ZNF618: variants seen among roughly 807,000 people sequenced by gnomAD.
ZNF618 encodes the protein zinc finger protein 618, also known as neural precursor cell expressed, developmentally down-regulated 10.
Under a neutral mutation model 103.0 loss-of-function variants are expected in ZNF618, and 34 were observed. The observed-to-expected ratio is 0.33, with a 90% confidence interval of 0.25 to 0.44. The LOEUF (loss-of-function observed/expected upper bound fraction) is 0.44. Ranked by LOEUF, ZNF618 falls within the 20% of genes least tolerant of loss-of-function variation. The pLI, the probability that ZNF618 is intolerant of heterozygous loss-of-function variation, is 1.00. For synonymous variants in ZNF618, 551 were observed against 542.2 expected (o/e 1.02, Z -0.23); for missense variants, 1,059 against 1,295.4 (o/e 0.82, Z 2.80).
chr9:113,990,393 G>A (rs1839926464), intron 3 of ZNF618, among the ~76,000 whole-genome samples: 1 of 152,182 alleles, frequency 6.6e-6, no homozygotes, highest in African/African-American at 2.4e-5. Context: ...ACCAAACAAA[G>A]TATTGGTTTC....
intron 4 of ZNF618, 73 bp downstream of exon 4, chr9:113,998,427 A>G: frequency 7.3e-7 from 1 of 1,367,578 alleles, no homozygotes; most frequent in Non-Finnish European, 1.0e-6. Flanking sequence ...CACAGCCATC[A>G]GTTACAGACC....
At chr9:113,933,068 G>C (rs1464745027) in intron 1 of ZNF618, among the ~76,000 whole-genome samples, 6 of 152,150 alleles carry the variant, frequency 3.9e-5, no homozygotes, top group African/African-American at 1.4e-4. Context: ...GAAGAAAGGA[G>C]AGATCAAGCA....
At chr9:114,036,172 G>C (rs1193092996) in intron 12 of ZNF618, 128 bp from the exon 13 acceptor site, 8 of 773,822 alleles carry the variant, frequency 1.0e-5, no homozygotes, top group Non-Finnish European at 1.7e-5. Flanking sequence ...AGGCAGGCTG[G>C]GCCCGGAGCC....
intron 10 of ZNF618, among the ~76,000 whole-genome samples, chr9:114,019,662 T>A (rs1016328948): frequency 6.6e-6 from 1 of 152,238 alleles, no homozygotes; most frequent in Non-Finnish European, 1.5e-5. Flanking sequence ...TCTCTTTAGG[T>A]CTTCTGCCCA....
intron 1 of ZNF618, among the ~76,000 whole-genome samples, chr9:113,887,523 C>T (rs1829191733): frequency 6.6e-6 from 1 of 152,108 alleles, no homozygotes; most frequent in African/African-American, 2.4e-5. Flanking sequence ...GCATAGAGAC[C>T]CAGGTCACAT....
At chr9:113,901,473 A>T (rs1308587179) in intron 1 of ZNF618, among the ~76,000 whole-genome samples, 1 of 152,088 alleles carries the variant, frequency 6.6e-6, no homozygotes, top group Non-Finnish European at 1.5e-5. Context: ...TTTCTTAATT[A>T]CCCACTGAAT....
At chr9:113,916,791 T>A (rs1832132869) in intron 1 of ZNF618, among the ~76,000 whole-genome samples, 1 of 152,334 alleles carries the variant, frequency 6.6e-6, no homozygotes, top group East Asian at 1.9e-4. Context: ...TGGTGCTCAA[T>A]CAGAAAAACA....
intron 1 of ZNF618, among the ~76,000 whole-genome samples, chr9:113,917,890 G>T (rs1832271716): frequency 1.3e-5 from 2 of 152,070 alleles, no homozygotes; most frequent in South Asian, 2.1e-4. Flanking sequence ...ATTATACTAT[G>T]AAATTAATAT....
intron 1 of ZNF618, among the ~76,000 whole-genome samples, chr9:113,913,879 A>G (rs1380697065): frequency 1.3e-5 from 2 of 152,134 alleles, no homozygotes; most frequent in Admixed American, 6.5e-5. Context: ...CTCAGGCTGT[A>G]TGCTCCACGG....
intron 1 of ZNF618, among the ~76,000 whole-genome samples, chr9:113,877,331 CTG>C (rs1386024300): frequency 2.0e-5 from 3 of 152,102 alleles, no homozygotes; most frequent in Non-Finnish European, 2.9e-5. Context: ...TTAGGGAAAA[CTG>C]AGAGAATTGG....
chr9:114,008,441 G>A, intron 8 of ZNF618, 36 bp from the exon 9 acceptor site: 1 of 1,613,594 alleles, frequency 6.2e-7, no homozygotes, highest in Non-Finnish European at 8.5e-7. Context: ...GAGACCTGGG[G>A]GACCAGGGTG....
intron 3 of ZNF618, among the ~76,000 whole-genome samples, chr9:113,990,675 C>G (rs1218247532): frequency 1.3e-5 from 2 of 152,198 alleles, no homozygotes; most frequent in Non-Finnish European, 2.9e-5. Flanking sequence ...TTAACTGCTG[C>G]AGCCAGAGAG....
chr9:114,048,759 T>C lies in ZNF618; in HGVS notation c.1457T>C (p.Val486Ala), dbSNP rs917756786. Residue 486 changes from valine (V) to alanine (A), a missense_variant, in exon 15 of 15, where the codon GTG becomes GCG. Transcript: ENST00000374126. ...TGTGCCGACCTGGGTGCACTGAGCG[T>C]GGTCAGCGGGAAGGAGTTCCTGAAG... ...VMCADLGALSVVSGKEFLKLA... is the reference protein window; with the variant it reads ...VMCADLGALSAVSGKEFLKLA... 7.4e-6 allele frequency: 12 copies of C among 1,613,980 alleles called. No homozygotes were observed. In the South Asian group the frequency reaches 9.9e-5, roughly 13 times the overall value.
intron 3 of ZNF618, among the ~76,000 whole-genome samples, chr9:113,992,247 A>G (rs1041611611): frequency 2.6e-5 from 4 of 152,142 alleles, no homozygotes; most frequent in Admixed American, 2.6e-4. Flanking sequence ...CATGCTGTCA[A>G]TTTGGTACCC....
intron 1 of ZNF618, among the ~76,000 whole-genome samples, chr9:113,882,122 C>G (rs1192838812): frequency 3.3e-5 from 5 of 152,322 alleles, no homozygotes; most frequent in African/African-American, 7.2e-5. Flanking sequence ...GCAATGAAAT[C>G]TATTTCTGAG....
intron 1 of ZNF618, among the ~76,000 whole-genome samples, chr9:113,963,317 T>C (rs1324574365): frequency 1.3e-5 from 2 of 152,216 alleles, no homozygotes; most frequent in Admixed American, 1.3e-4. Flanking sequence ...ATGTTGATGT[T>C]TGTACTAACA....
At chr9:113,974,083 G>T (rs1303998330) in intron 2 of ZNF618, among the ~76,000 whole-genome samples, 1 of 152,242 alleles carries the variant, frequency 6.6e-6, no homozygotes, top group Non-Finnish European at 1.5e-5. Context: ...CCCTGCCCTT[G>T]TAGAGCTGAT....
At chr9:113,879,257 A>G (rs969529012) in intron 1 of ZNF618, among the ~76,000 whole-genome samples, 1 of 152,066 alleles carries the variant, frequency 6.6e-6, no homozygotes. Flanking sequence ...ATATTGCAGC[A>G]CGTCCCTTTG....
intron 1 of ZNF618, among the ~76,000 whole-genome samples, chr9:113,951,477 G>GTATA (rs1588133221): frequency 2.5e-4 from 3 of 11,768 alleles, no homozygotes; most frequent in Non-Finnish European, 6.8e-4. Flanking sequence ...GTGTGTATGT[G>GTATA]TACACATATA....
Sources: allele counts gnomAD v4.1 joint callset (sites outside exome capture counted in the v4.1 genomes callset), GRCh38; gene constraint gnomAD v4.1.1; transcripts MANE v1.5; gene names NCBI Gene and HGNC (gene_info 2026-07-23, HGNC 2026-07-21).